Variants in NFIB observed in about 807,000 individuals in gnomAD.
NFIB encodes the protein nuclear factor 1 B-type.
Under a neutral mutation model 61.5 loss-of-function variants are expected in NFIB, and 11 were observed. That is an observed-to-expected ratio of 0.18 (90% CI 0.11 to 0.30). The LOEUF (loss-of-function observed/expected upper bound fraction) is 0.30, where lower values mean the gene tolerates loss of function less well. NFIB is among the 10% of genes least tolerant of loss of function. The probability of loss-of-function intolerance (pLI) is 1.00; values close to 1 mark genes in which losing one functional copy is unlikely to be tolerated. For missense variants in NFIB, 471 were observed against 608.9 expected (o/e 0.77, Z 2.38); for synonymous variants, 260 against 216.5 (o/e 1.20, Z -1.76).
chr9:14,384,058 C>G (rs1193372776), intron 1 of NFIB, among the ~76,000 whole-genome samples: 1 of 152,208 alleles, frequency 6.6e-6, no homozygotes, highest in Non-Finnish European at 1.5e-5. Flanking sequence ...ACTTAGCCCG[C>G]TCTTGCTTCA....
At chr9:14,165,164 A>T (rs1295563673) in intron 3 of NFIB, among the ~76,000 whole-genome samples, 1 of 152,194 alleles carries the variant, frequency 6.6e-6, no homozygotes, top group Non-Finnish European at 1.5e-5. Context: ...AGGCGAGTGC[A>T]CAGCTGGATT....
chr9:14,421,260 T>C, the NFIB span, among the ~76,000 whole-genome samples: 1 of 152,164 alleles, frequency 6.6e-6, no homozygotes, highest in African/African-American at 2.4e-5. Context: ...GAAATGAACA[T>C]CTATTTTATA....
chr9:14,241,847 G>T (rs1388652713), intron 2 of NFIB, among the ~76,000 whole-genome samples: 3 of 152,246 alleles, frequency 2.0e-5, no homozygotes, highest in African/African-American at 7.2e-5. Context: ...AAAGCCAATT[G>T]TATGTCTAAT....
At chr9:14,333,026 G>T (rs1286544228) in intron 1 of NFIB, among the ~76,000 whole-genome samples, 1 of 152,166 alleles carries the variant, frequency 6.6e-6, no homozygotes, top group East Asian at 1.9e-4. Context: ...GGGGTATCTA[G>T]AGAGGAGACA....
intron 1 of NFIB, among the ~76,000 whole-genome samples, chr9:14,383,239 A>C (rs1045624102): frequency 6.6e-6 from 1 of 152,198 alleles, no homozygotes; most frequent in Non-Finnish European, 1.5e-5. Flanking sequence ...TTACAGCTTT[A>C]TTCATAGGAC....
intron 2 of NFIB, among the ~76,000 whole-genome samples, chr9:14,271,418 G>C (rs1234274496): frequency 1.3e-5 from 2 of 152,090 alleles, no homozygotes; most frequent in East Asian, 3.9e-4. Context: ...GCAGCTATTA[G>C]CAAGTGAAGC....
chr9:14,084,801 G>A lies in NFIB; in HGVS notation c.*3508C>T, dbSNP rs2032589298. ...GGAGGAGGCCGAAAAGTTGATTTGA[G>A]ATTTTATATATATAGTAGTACTTTT... is the stretch of plus-strand genomic sequence containing the variant. On this transcript the variant is annotated 3_prime_UTR_variant, in exon 11 of 11. Transcript: ENST00000380953. 8.8e-6 allele frequency: 2 copies of A among 227,770 alleles called. No homozygotes were observed. Among genetic ancestry groups the A allele is most frequent in the Non-Finnish European group, 1.7e-5 (2 of 114,726 alleles). The allele number at this position is 227,770 out of a possible 1,614,324, so 14.1% of individuals were successfully genotyped here.
At chr9:14,095,048 TA>T (rs1222932608) in intron 10 of NFIB, among the ~76,000 whole-genome samples, 1 of 152,124 alleles carries the variant, frequency 6.6e-6, no homozygotes, top group Non-Finnish European at 1.5e-5. Context: ...GCACTGCCAC[TA>T]AATATTAAAT....
the NFIB span, among the ~76,000 whole-genome samples, chr9:14,523,143 G>C: frequency 6.6e-6 from 1 of 151,986 alleles, no homozygotes; most frequent in East Asian, 1.9e-4. Flanking sequence ...CTTCATGAGA[G>C]CCCTGAGGAA....
intron 1 of NFIB, among the ~76,000 whole-genome samples, chr9:14,312,066 T>C (rs2060305115): frequency 6.6e-6 from 1 of 152,240 alleles, no homozygotes; most frequent in Admixed American, 6.5e-5. Flanking sequence ...TAAATTAAAG[T>C]GCGTGTTTAC....
At chr9:14,482,489 G>A in the NFIB span, among the ~76,000 whole-genome samples, 1 of 152,318 alleles carries the variant, frequency 6.6e-6, no homozygotes, top group Admixed American at 6.5e-5. Context: ...TGAATCAGGA[G>A]TGAACAGTTT....
chr9:14,118,224 T>C (rs2038417684), intron 8 of NFIB, among the ~76,000 whole-genome samples: 1 of 152,092 alleles, frequency 6.6e-6, no homozygotes, highest in Admixed American at 6.5e-5. Flanking sequence ...TTAAATATCT[T>C]AAGAAAGAAG....
At chr9:14,272,521 T>C (rs2057700472) in intron 2 of NFIB, among the ~76,000 whole-genome samples, 2 of 152,062 alleles carry the variant, frequency 1.3e-5, no homozygotes, top group South Asian at 4.1e-4. Context: ...ATATCTTTAG[T>C]ATTAAAAGAA....
the NFIB span, among the ~76,000 whole-genome samples, chr9:14,485,083 T>C: frequency 1.4e-4 from 22 of 152,300 alleles, 1 homozygote; most frequent in East Asian, 3.9e-3. Flanking sequence ...GTCATGCCCT[T>C]AGGATCTTAT....
chr9:14,495,425 A>G, the NFIB span, among the ~76,000 whole-genome samples: 1 of 148,040 alleles, frequency 6.8e-6, no homozygotes, highest in Non-Finnish European at 1.5e-5. Context: ...GCAGCAATAG[A>G]TTGAAGAGAA....
chr9:14,457,383 C>T, the NFIB span, among the ~76,000 whole-genome samples: 2 of 151,952 alleles, frequency 1.3e-5, no homozygotes, highest in Non-Finnish European at 2.9e-5. Flanking sequence ...AGGGCTATTT[C>T]TCACTAAATG....
chr9:14,493,214 T>C, the NFIB span, among the ~76,000 whole-genome samples: 1 of 152,188 alleles, frequency 6.6e-6, no homozygotes, highest in Non-Finnish European at 1.5e-5. Context: ...CTGGCTCCCA[T>C]TCTTAGAGCT....
intron 6 of NFIB, among the ~76,000 whole-genome samples, chr9:14,128,093 G>C (rs1428164108): frequency 6.6e-6 from 1 of 152,054 alleles, no homozygotes; most frequent in Non-Finnish European, 1.5e-5. Context: ...TCGCATAAGA[G>C]CTATGTGATT....
chr9:14,124,929 A>T (rs2039433373), intron 7 of NFIB, among the ~76,000 whole-genome samples: 1 of 152,334 alleles, frequency 6.6e-6, no homozygotes, highest in South Asian at 2.1e-4. Context: ...AGAAAATAAC[A>T]TCTACAGAAA....
Sources: gnomAD v4.1 joint callset for allele counts (sites outside exome capture counted in the v4.1 genomes callset) on GRCh38, gnomAD v4.1.1 for gene constraint, MANE v1.5 for transcripts, NCBI Gene and HGNC (gene_info 2026-07-23, HGNC 2026-07-21) for gene names.